Variants in LINGO2 observed in about 807,000 individuals in gnomAD.
LINGO2 encodes leucine-rich repeat and immunoglobulin-like domain-containing nogo receptor-interacting protein 2.
LINGO2 carries 14 observed loss-of-function variants against 30.6 expected under a neutral mutation model. That is an observed-to-expected ratio of 0.46 (90% CI 0.30 to 0.72). The LOEUF is 0.72. Among genes scored for constraint, LINGO2 ranks in the 30% least tolerant of loss-of-function variants. The pLI is 0.07. For synonymous variants in LINGO2, 317 were observed against 288.5 expected, an observed-to-expected ratio of 1.10 and a Z score of -1.00; for missense variants, 729 against 751.7, an observed-to-expected ratio of 0.97 and a Z score of 0.35.
At chr9:28,684,334 C>A in the LINGO2 span, among the ~76,000 whole-genome samples, 1 of 150,008 alleles carries the variant, frequency 6.7e-6, no homozygotes, top group Non-Finnish European at 1.5e-5. Flanking sequence ...ACTACAGGCG[C>A]CCGCCACCAC....
At chr9:28,600,497 C>T (rs1251404456) in intron 1 of LINGO2, among the ~76,000 whole-genome samples, 3 of 152,096 alleles carry the variant, frequency 2.0e-5, no homozygotes, top group Non-Finnish European at 4.4e-5. Context: ...TTATAATAAG[C>T]ATCTGAGAGT....
the LINGO2 span, among the ~76,000 whole-genome samples, chr9:28,899,019 T>C: frequency 2.0e-5 from 3 of 151,652 alleles, no homozygotes; most frequent in African/African-American, 7.3e-5. Flanking sequence ...CTCCCAGTGT[T>C]TGTCTCTCAC....
chr9:28,469,096 C>T (rs2150858), intron 2 of LINGO2, among the ~76,000 whole-genome samples: 102,483 of 151,744 alleles, frequency 0.68, 34,760 homozygotes, highest in East Asian at 0.83. Flanking sequence ...ATTAAAATAT[C>T]GATAAATATA....
At chr9:28,418,054 T>C (rs1823038179) in intron 2 of LINGO2, among the ~76,000 whole-genome samples, 1 of 151,964 alleles carries the variant, frequency 6.6e-6, no homozygotes, top group Non-Finnish European at 1.5e-5. Flanking sequence ...CTAAGAGAGG[T>C]TCCATTTTTT....
At chr9:28,795,611 A>C in the LINGO2 span, among the ~76,000 whole-genome samples, 1 of 151,546 alleles carries the variant, frequency 6.6e-6, no homozygotes, top group Admixed American at 6.6e-5. Context: ...ATAGATACAT[A>C]TATTTTTATA....
rs77109448 is a variant in LINGO2, at chr9:28,577,312, T to C, written c.-365+92888A>G. Among the ~76,000 whole-genome samples, 1,521 of 152,264 alleles carry C rather than the reference T, an allele frequency of 1.0e-2. 13 individuals are homozygous for C. Among genetic ancestry groups the C allele is most frequent in the Admixed American group, 0.018 (272 of 15,280 alleles). ...CTTTTGAGTTGTCTTTTCAGACTTT[T>C]GCATTTCTGAAACCAGATGACTTCA... On this transcript the variant is annotated intron_variant, in intron 1 of 5. Transcript: ENST00000379992.
At chr9:28,048,416 TAAACAAATACCGAGG>T (rs1824520892) in intron 4 of LINGO2, among the ~76,000 whole-genome samples, 1 of 150,726 alleles carries the variant, frequency 6.6e-6, no homozygotes, top group Non-Finnish European at 1.5e-5. Context: ...TAAATATTAA[TAAACAAATACCGAGG>T]AAACACTATC....
intron 5 of LINGO2, among the ~76,000 whole-genome samples, chr9:27,957,264 C>T (rs1196756443): frequency 6.6e-6 from 1 of 152,002 alleles, no homozygotes; most frequent in African/African-American, 2.4e-5. Flanking sequence ...TATATTATAC[C>T]AGTACGGCTG....
the LINGO2 span, among the ~76,000 whole-genome samples, chr9:29,046,937 G>A: frequency 1.0e-5 from 1 of 97,724 alleles, no homozygotes; most frequent in Admixed American, 1.1e-4. Context: ...AAATTAGCCA[G>A]GCGTGGTGGC....
chr9:27,991,183 GT>G (rs1475893734), intron 5 of LINGO2, among the ~76,000 whole-genome samples: 1 of 151,936 alleles, frequency 6.6e-6, no homozygotes, highest in Non-Finnish European at 1.5e-5. Context: ...TTAGATTCAG[GT>G]ACTCACACTA....
chr9:28,347,921 A>C (rs931323912), intron 3 of LINGO2, among the ~76,000 whole-genome samples: 1 of 152,168 alleles, frequency 6.6e-6, no homozygotes, highest in Admixed American at 6.5e-5. Flanking sequence ...GCCTCTCTTG[A>C]GATAATTAGT....
the LINGO2 span, among the ~76,000 whole-genome samples, chr9:29,111,929 G>GTATATATACATATATTTATATATCTGTA: frequency 6.7e-6 from 1 of 149,810 alleles, no homozygotes; most frequent in Non-Finnish European, 1.5e-5. Context: ...ATATATGTGT[G>GTATATATACATATATTTATATATCTGTA]TATATATAAT....
chr9:28,045,404 A>G (rs1326502430), intron 4 of LINGO2, among the ~76,000 whole-genome samples: 1 of 152,198 alleles, frequency 6.6e-6, no homozygotes, highest in Non-Finnish European at 1.5e-5. Flanking sequence ...ATAAGAATCA[A>G]GTTAGCTCTA....
chr9:28,643,615 T>C (rs902006050), intron 1 of LINGO2, among the ~76,000 whole-genome samples: 5 of 152,056 alleles, frequency 3.3e-5, no homozygotes, highest in African/African-American at 1.2e-4. Flanking sequence ...CCTAGGATAT[T>C]GGTCTGGGCA....
intron 1 of LINGO2, among the ~76,000 whole-genome samples, chr9:28,632,876 ATAT>A (rs1563879170): frequency 0.011 from 943 of 88,162 alleles, 16 homozygotes; most frequent in Admixed American, 0.019. Context: ...ATATATATAT[ATAT>A]GTAGAGAGAG....
At chr9:28,701,226 T>C in the LINGO2 span, among the ~76,000 whole-genome samples, 1 of 152,052 alleles carries the variant, frequency 6.6e-6, no homozygotes, top group African/African-American at 2.4e-5. Context: ...TAAAAAGTGA[T>C]AGCCATACCC....
intron 4 of LINGO2, among the ~76,000 whole-genome samples, chr9:28,191,411 G>C (rs1819818665): frequency 6.6e-6 from 1 of 152,110 alleles, no homozygotes; most frequent in East Asian, 1.9e-4. Context: ...TATTCCTGCT[G>C]CCTGTGATTT....
intron 5 of LINGO2, among the ~76,000 whole-genome samples, chr9:27,964,934 C>T (rs1487434687): frequency 5.3e-5 from 8 of 152,154 alleles, no homozygotes; most frequent in South Asian, 4.1e-4. Flanking sequence ...TTGCCTTCAA[C>T]GGCATGGAAA....
At chr9:29,047,003 C>T in the LINGO2 span, among the ~76,000 whole-genome samples, 32 of 12,364 alleles carry the variant, frequency 2.6e-3, no homozygotes, top group Non-Finnish European at 7.5e-3. Context: ...CACTTGAATC[C>T]GGGCACTCCA....
Sources: allele counts gnomAD v4.1 joint callset (sites outside exome capture counted in the v4.1 genomes callset), GRCh38; gene constraint gnomAD v4.1.1; transcripts MANE v1.5; gene names NCBI Gene and HGNC (gene_info 2026-07-23, HGNC 2026-07-21).